VPS13B: variants seen among roughly 807,000 people sequenced by gnomAD.
VPS13B encodes the protein intermembrane lipid transfer protein VPS13B.
In VPS13B, 285 loss-of-function variants were observed where a neutral mutation model predicts 426.4. The observed-to-expected ratio is 0.67, with a 90% confidence interval of 0.61 to 0.74. VPS13B has a LOEUF of 0.74. Among genes scored for constraint, VPS13B ranks in the 30% least tolerant of loss-of-function variants. The pLI is 0.00. For synonymous variants in VPS13B, 1,676 were observed against 1,676.4 expected (o/e 1.00, Z 0.01); for missense variants, 4,537 against 4,782.6 (o/e 0.95, Z 1.51).
intron 39 of VPS13B, among the ~76,000 whole-genome samples, chr8:99,754,482 G>A (rs1262661331): frequency 1.3e-5 from 2 of 152,106 alleles, no homozygotes; most frequent in African/African-American, 2.4e-5. Context: ...TCCCATTATT[G>A]TACAAAGACA....
intron 14 of VPS13B, among the ~76,000 whole-genome samples, chr8:99,153,422 A>G (rs1195985547): frequency 6.6e-6 from 1 of 151,576 alleles, no homozygotes; most frequent in East Asian, 1.9e-4. Flanking sequence ...GTTTTAGTTG[A>G]GCATTTTATA....
At chr8:99,591,811 A>C (rs1463233314) in intron 33 of VPS13B, among the ~76,000 whole-genome samples, 4 of 152,058 alleles carry the variant, frequency 2.6e-5, no homozygotes, top group Non-Finnish European at 5.9e-5. Flanking sequence ...AACCTTAATG[A>C]ATCTCACAAT....
chr8:99,408,003 C>A (rs1367435815), intron 21 of VPS13B, among the ~76,000 whole-genome samples: 1 of 152,134 alleles, frequency 6.6e-6, no homozygotes, highest in Non-Finnish European at 1.5e-5. Context: ...TGCCAAAATT[C>A]TTCTCTTCAT....
At position 99,871,445 on chromosome 8, in the gene VPS13B, C is replaced by T; in HGVS notation, c.11496-3C>T. 1 of 1,614,130 alleles carries T rather than the reference C, an allele frequency of 6.2e-7. No homozygotes were observed. Among genetic ancestry groups the T allele is most frequent in the Non-Finnish European group, 8.5e-7 (1 of 1,180,028 alleles). On this transcript the variant is annotated splice_polypyrimidine_tract_variant and splice_region_variant and intron_variant, in intron 60 of 61. Transcript: ENST00000357162. ...CTGGCCTCACTTTTCTCCTTTTAAACAGGAAAATGCTTCAGTCTCTGGGCA... is the reference window on the plus strand; with the variant it reads ...CTGGCCTCACTTTTCTCCTTTTAAATAGGAAAATGCTTCAGTCTCTGGGCA...
chr8:99,159,989 T>G (rs1229281961), intron 15 of VPS13B, among the ~76,000 whole-genome samples: 3 of 145,322 alleles, frequency 2.1e-5, no homozygotes, highest in Admixed American at 6.9e-5. Context: ...GGTATATAAG[T>G]TTTTTTTTTT....
chr8:99,377,688 A>G (rs1249952645), intron 19 of VPS13B, among the ~76,000 whole-genome samples: 1 of 152,016 alleles, frequency 6.6e-6, no homozygotes, highest in Non-Finnish European at 1.5e-5. Flanking sequence ...AATAAAGAGA[A>G]AGGCTACAAA....
chr8:99,282,612 A>G (rs1049020990), intron 19 of VPS13B, among the ~76,000 whole-genome samples: 2 of 152,178 alleles, frequency 1.3e-5, no homozygotes, highest in Non-Finnish European at 2.9e-5. Flanking sequence ...GTATCTGCTT[A>G]GCTGTAGTCA....
chr8:99,523,588 T>G (rs1324942777), intron 30 of VPS13B, among the ~76,000 whole-genome samples: 1 of 152,172 alleles, frequency 6.6e-6, no homozygotes, highest in East Asian at 1.9e-4. Context: ...GCCTGGTAAT[T>G]CAGACAATTC....
intron 43 of VPS13B, among the ~76,000 whole-genome samples, chr8:99,791,300 C>T (rs1812523605): frequency 6.6e-6 from 1 of 152,126 alleles, no homozygotes; most frequent in African/African-American, 2.4e-5. Context: ...TTTCAGGCTA[C>T]CAATGGGTTG....
chr8:99,082,432 G>A lies in VPS13B; in HGVS notation c.292-13880G>A, dbSNP rs550933658. On this transcript the variant is annotated intron_variant, in intron 3 of 61. Coordinates refer to ENST00000357162, the MANE Select transcript of VPS13B (RefSeq NM_152564.5). ...TAGGATGCCTGTTCACTCTGATGGT[G>A]GTTTCTTTTGCTGTGCAGAAGCTCT... Among the ~76,000 whole-genome samples the A allele has an allele frequency of 2.2e-3, 342 of 152,170 alleles. 1 individual carries two copies. Among genetic ancestry groups the A allele is most frequent in the Admixed American group, 3.7e-3 (56 of 15,284 alleles).
chr8:99,676,234 A>T (rs899722060), intron 35 of VPS13B, among the ~76,000 whole-genome samples: 1 of 152,120 alleles, frequency 6.6e-6, no homozygotes, highest in Admixed American at 6.6e-5. Context: ...CAACACCAGG[A>T]TGGAATCCCG....
intron 4 of VPS13B, among the ~76,000 whole-genome samples, chr8:99,099,668 G>A (rs1846621142): frequency 6.6e-6 from 1 of 152,194 alleles, no homozygotes. Flanking sequence ...GTAGGATGGA[G>A]GACATTGGAG....
chr8:99,848,825 A>C lies in VPS13B; in HGVS notation c.9992A>C (p.Gln3331Pro). The change falls in exon 55 of 62, where the codon CAG becomes CCG. Residue 3331 changes from glutamine to proline, a missense_variant. Around this residue, in one of 2 missense-constraint regions of VPS13B, gnomAD observed 4,311 missense variants for 4,474.3 expected, o/e 0.96. Transcript: ENST00000357162. ...TATGTGTATGTGGATGTTGTACATC[A>C]GTGTGGCACAGTCTTCATCACTGTG... is the stretch of plus-strand genomic sequence containing the variant. ...FGYVYVDVVHQCGTVFITVAP... is the reference protein window; with the variant it reads ...FGYVYVDVVHPCGTVFITVAP... 2 of 1,614,180 alleles carry C rather than the reference A, an allele frequency of 1.2e-6. No homozygotes were observed. Among genetic ancestry groups the C allele is most frequent in the Non-Finnish European group, 1.7e-6 (2 of 1,180,008 alleles).
In VPS13B at chr8:99,147,868, T is replaced by A; in HGVS notation, c.1871T>A (p.Leu624Gln). Residue 624 changes from leucine (L) to glutamine (Q), a missense_variant, in exon 14 of 62, where the codon CTG becomes CAG. Transcript: ENST00000357162. The part of the protein sequence containing the change: ...SDIKDENETI[L>Q]NPEEVALLEE... Reference sequence around the variant, plus strand: ...ATTAAGGATGAAAATGAAACAATACTGAATCCTGAAGAGGTGGCTCTTCTG... The same window carrying A: ...ATTAAGGATGAAAATGAAACAATACAGAATCCTGAAGAGGTGGCTCTTCTG... 1 of 1,591,128 alleles carries A rather than the reference T, an allele frequency of 6.3e-7. No individual in the cohort carries two copies. Among genetic ancestry groups the A allele is most frequent in the South Asian group, 1.2e-5 (1 of 83,860 alleles).
intron 23 of VPS13B, among the ~76,000 whole-genome samples, chr8:99,461,861 A>T (rs896169106): frequency 5.3e-5 from 8 of 152,138 alleles, no homozygotes; most frequent in African/African-American, 1.9e-4. Flanking sequence ...TAAACTAAAT[A>T]TCAGTTAATA....
At chr8:99,493,723 A>G (rs1193230591) in intron 25 of VPS13B, among the ~76,000 whole-genome samples, 1 of 147,978 alleles carries the variant, frequency 6.8e-6, no homozygotes, top group Non-Finnish European at 1.5e-5. Context: ...CGGAGGTTGC[A>G]GTGAGCTGAG....
intron 35 of VPS13B, chr8:99,697,076 A>C: frequency 1.9e-6 from 1 of 536,432 alleles, no homozygotes; most frequent in African/African-American, 1.9e-5. Flanking sequence ...ATCGCTACTC[A>C]TCCTGTCCCA....
chr8:99,431,799 A>G, intron 22 of VPS13B, 135 bp downstream of exon 22: 1 of 940,692 alleles, frequency 1.1e-6, no homozygotes, highest in Non-Finnish European at 1.6e-6. Flanking sequence ...TTTAGTTGAA[A>G]ATAATTGGTG....
chr8:99,379,032 A>C (rs1588310217), intron 19 of VPS13B, among the ~76,000 whole-genome samples: 2 of 152,318 alleles, frequency 1.3e-5, no homozygotes, highest in East Asian at 3.9e-4. Context: ...TTACCACCTG[A>C]GCTCTGCCTA....
Sources: gnomAD v4.1 joint callset for allele counts (sites outside exome capture counted in the v4.1 genomes callset) on GRCh38, gnomAD v4.1.1 for gene constraint, gnomAD v4.1.1 regional missense constraint, MANE v1.5 for transcripts, NCBI Gene and HGNC (gene_info 2026-07-23, HGNC 2026-07-21) for gene names.